The following POM121C variants were observed in gnomAD, a reference collection of about 807,000 sequenced individuals.
POM121C encodes nuclear envelope pore membrane protein POM 121C.
A neutral mutation model predicts 66.4 loss-of-function variants in POM121C; 20 were observed. The observed-to-expected ratio is 0.30, with a 90% CI of 0.21 to 0.44. POM121C has a LOEUF of 0.44. POM121C is among the 20% of genes least tolerant of loss of function. The pLI, the probability that POM121C is intolerant of heterozygous loss-of-function variation, is 1.00. For synonymous variants in POM121C, 286 were observed against 528.0 expected (o/e 0.54, Z 6.28); for missense variants, 580 against 1,225.7 (o/e 0.47, Z 7.87).
chr7:75,421,685 G>C lies in POM121C; in HGVS notation c.2567C>G (p.Pro856Arg). The C allele has an allele frequency of 1.2e-6, 2 of 1,609,732 alleles. No homozygotes were observed. Among genetic ancestry groups the C allele is most frequent in the East Asian group, 2.2e-5 (1 of 44,766 alleles). Residue 856 changes from proline (P) to arginine (R), a missense_variant, in exon 13 of 15, where the codon CCA becomes CGA. Physicochemically the swap from Pro to Arg is moderately radical, Grantham distance 103 (BLOSUM62 -2). Coordinates refer to ENST00000615331, the MANE Select transcript of POM121C (RefSeq NM_001099415.3). ...AGCTCCGGTGGTGGCGCTGGAGCCT[G>C]GGGTGGCCACGTTGATCCCAAAGCT... is the stretch of plus-strand genomic sequence containing the variant. ...SGSFGINVAT[P>R]GSSATTGAFS...
intron 3 of POM121C, among the ~76,000 whole-genome samples, chr7:75,461,750 C>T (rs1447357192): frequency 6.6e-6 from 1 of 151,972 alleles, no homozygotes; most frequent in African/African-American, 2.4e-5. Flanking sequence ...TGAAATCATA[C>T]AAAATACGTT....
chr7:75,419,717 G>A (rs1466546756), intron 13 of POM121C: 7 of 457,356 alleles, frequency 1.5e-5, no homozygotes, highest in East Asian at 4.3e-5. Flanking sequence ...CCTGACCATC[G>A]CTGCAGAGGG....
intron 7 of POM121C, among the ~76,000 whole-genome samples, chr7:75,433,964 G>GC (rs1790292343): frequency 6.6e-6 from 1 of 152,206 alleles, no homozygotes. Flanking sequence ...ATCAAAGGGT[G>GC]CGTGTATCTC....
At chr7:75,450,901 T>C (rs1230676764) in intron 3 of POM121C, among the ~76,000 whole-genome samples, 3 of 152,122 alleles carry the variant, frequency 2.0e-5, no homozygotes, top group East Asian at 1.9e-4. Flanking sequence ...ACAAAATAAA[T>C]TGATGGAAAT....
intron 7 of POM121C, among the ~76,000 whole-genome samples, chr7:75,436,019 C>A (rs1273647553): frequency 2.0e-5 from 3 of 150,930 alleles, no homozygotes; most frequent in Non-Finnish European, 2.9e-5. Flanking sequence ...CCACTGCGCT[C>A]CAGCGTGGGG....
chr7:75,476,692 C>G (rs28397138), intron 1 of POM121C, among the ~76,000 whole-genome samples: 13 of 151,760 alleles, frequency 8.6e-5, no homozygotes, highest in Non-Finnish European at 1.8e-4. Context: ...GAAGACTGAT[C>G]GACCAATAAA....
rs189828111 is a variant in POM121C, at chr7:75,443,554, A to G, written c.-151-1907T>C. On this transcript the variant is annotated intron_variant, in intron 3 of 14. Transcript: ENST00000615331. ...ATACATTAAAGAGATTAAGGGGGAA[A>G]ATAGAGGATCTCTGATCTTTATAAG... Among the ~76,000 whole-genome samples the G allele has an allele frequency of 4.6e-3, 661 of 143,512 alleles. 8 individuals carry two copies. Among genetic ancestry groups the G allele is most frequent in the Admixed American group, 0.042 (584 of 13,938 alleles). The allele number at this position is 143,512 out of a possible 152,430, so 94.1% of individuals were successfully genotyped here. A position where few individuals can be genotyped will look rare whatever the true frequency, so the allele number is the denominator to read the frequency against.
At chr7:75,456,239 T>TC in intron 3 of POM121C, among the ~76,000 whole-genome samples, 1 of 152,330 alleles carries the variant, frequency 6.6e-6, no homozygotes, top group East Asian at 1.9e-4. Flanking sequence ...ACCCTGCTCT[T>TC]AAAAAAATAG....
chr7:75,473,363 C>T (rs1437729368), intron 3 of POM121C, among the ~76,000 whole-genome samples: 1 of 151,608 alleles, frequency 6.6e-6, no homozygotes, highest in East Asian at 1.9e-4. Flanking sequence ...CCTGAAAAGG[C>T]AAGAAAAGGA....
At chr7:75,420,525 C>T (rs1789659776) in intron 13 of POM121C, 1 of 152,048 alleles carries the variant, frequency 6.6e-6, no homozygotes, top group Non-Finnish European at 1.5e-5. Context: ...ATTTTCCAGC[C>T]CACAAACTGC....
In POM121C at chr7:75,471,769, G is replaced by A. The variant is rs782769219; in HGVS notation, c.-152+2935C>T. 2.6e-5 allele frequency among the ~76,000 whole-genome samples: 4 copies of A among 152,288 alleles called. No homozygotes were observed. In the East Asian group the frequency reaches 5.8e-4, roughly 22 times the overall value. ...CCACACTCCACACCTACTACGCGCT[G>A]TCACGTGCTTGACAAAACCCGACAC... On this transcript the variant is annotated intron_variant, in intron 3 of 14. Transcript: ENST00000615331.
At chr7:75,436,222 T>G (rs1790401208) in intron 7 of POM121C, among the ~76,000 whole-genome samples, 1 of 152,162 alleles carries the variant, frequency 6.6e-6, no homozygotes, top group African/African-American at 2.4e-5. Flanking sequence ...TTCTAGAGGA[T>G]CTGTCTATCT....
chr7:75,477,210 G>C (rs1343570660), intron 1 of POM121C, among the ~76,000 whole-genome samples: 1 of 151,386 alleles, frequency 6.6e-6, no homozygotes, highest in Admixed American at 6.6e-5. Context: ...TTCCCACTAA[G>C]ATCAAGAACA....
At chr7:75,473,001 T>C (rs142878901) in intron 3 of POM121C, among the ~76,000 whole-genome samples, 10,962 of 152,226 alleles carry the variant, frequency 0.072, 505 homozygotes, top group Non-Finnish European at 0.1. Context: ...AGAAACAGAA[T>C]GTGCTGACGA....
chr7:75,430,652 T>C (rs1467681930), intron 7 of POM121C, among the ~76,000 whole-genome samples: 2 of 152,120 alleles, frequency 1.3e-5, no homozygotes, highest in South Asian at 4.1e-4. Context: ...CTACACAAAC[T>C]ATGCTAACTA....
At chr7:75,472,035 A>G (rs2923708) in intron 3 of POM121C, among the ~76,000 whole-genome samples, 1 of 151,374 alleles carries the variant, frequency 6.6e-6, no homozygotes, top group Admixed American at 6.6e-5. Flanking sequence ...GCAGGCGCCC[A>G]CCACCACGCC....
chr7:75,467,975 C>CA (rs1466226046), intron 3 of POM121C, among the ~76,000 whole-genome samples: 1 of 151,474 alleles, frequency 6.6e-6, no homozygotes, highest in Non-Finnish European at 1.5e-5. Flanking sequence ...ACTAAAAATA[C>CA]AAAAAAATTA....
chr7:75,422,014 AGGTGTG>A lies in POM121C; in HGVS notation c.2232_2237del (p.Thr745_Pro746del), dbSNP rs1789736380. 8.7e-6 allele frequency: 14 copies of A among 1,613,780 alleles called. No individual in the cohort carries two copies. The highest frequency in any genetic ancestry group is 1.2e-5 in the Non-Finnish European group (14 of 1,179,798). On this transcript the variant is annotated inframe_deletion, in exon 13 of 15. Coordinates refer to ENST00000615331, the MANE Select transcript of POM121C (RefSeq NM_001099415.3). The stretch of plus-strand genomic sequence containing the variant: ...CGATCTTGATCGTGGACGCAGGTGC[AGGTGTG>A]GGTGCAGTAGCCGGGGCCGGGGCTG...
intron 3 of POM121C, among the ~76,000 whole-genome samples, chr7:75,470,248 T>C (rs1554478452): frequency 3.0e-5 from 1 of 32,998 alleles, no homozygotes; most frequent in African/African-American, 7.3e-5. Context: ...AGTGTTAAAT[T>C]ATTAGGGTAA....
Sources: gnomAD v4.1 joint callset for allele counts (sites outside exome capture counted in the v4.1 genomes callset) on GRCh38, gnomAD v4.1.1 for gene constraint, MANE v1.5 for transcripts, NCBI Gene and HGNC (gene_info 2026-07-23, HGNC 2026-07-21) for gene names.